Variants in ENPP6 observed in about 807,000 individuals in gnomAD.
ENPP6 encodes ectonucleotide pyrophosphatase/phosphodiesterase 6.
ENPP6 carries 32 observed loss-of-function variants against 42.0 expected under a neutral mutation model. The ratio of observed to expected loss-of-function variants is 0.76; its 90% CI spans 0.58 to 1.02. ENPP6 has a LOEUF of 1.02. Among genes scored for constraint, ENPP6 ranks in the 50% least tolerant of loss-of-function variants. The pLI is 0.00. For synonymous variants in ENPP6, 213 were observed against 216.0 expected, an observed-to-expected ratio of 0.99 and a Z score of 0.12; for missense variants, 552 against 566.8, an observed-to-expected ratio of 0.97 and a Z score of 0.27.
At chr4:184,102,193 AG>A (rs1423772196) in intron 6 of ENPP6, among the ~76,000 whole-genome samples, 1 of 152,216 alleles carries the variant, frequency 6.6e-6, no homozygotes, top group African/African-American at 2.4e-5. Context: ...GACACTTGCC[AG>A]GGCCCATCCG....
At chr4:184,193,153 G>A (rs1458624723) in intron 1 of ENPP6, among the ~76,000 whole-genome samples, 5 of 152,184 alleles carry the variant, frequency 3.3e-5, no homozygotes, top group Admixed American at 3.3e-4. Flanking sequence ...CAGGAGAAAT[G>A]ACAACATATA....
chr4:184,187,999 G>A (rs867962191), intron 1 of ENPP6, among the ~76,000 whole-genome samples: 18 of 152,308 alleles, frequency 1.2e-4, no homozygotes, highest in Middle Eastern at 3.4e-3. Flanking sequence ...CCTGCTCTTG[G>A]AGCATACATT....
At chr4:184,170,530 G>T (rs570832499) in intron 1 of ENPP6, among the ~76,000 whole-genome samples, 1 of 151,602 alleles carries the variant, frequency 6.6e-6, no homozygotes, top group Non-Finnish European at 1.5e-5. Context: ...ATAATGGTTC[G>T]CCTCCATTTT....
At chr4:184,208,971 A>G (rs571804655) in intron 1 of ENPP6, among the ~76,000 whole-genome samples, 13,484 of 130,220 alleles carry the variant, frequency 0.1, 756 homozygotes, top group African/African-American at 0.15. Context: ...CCCCAGCAGG[A>G]GCACACTGAC....
At chr4:184,138,876 C>T (rs771180732) in intron 2 of ENPP6, among the ~76,000 whole-genome samples, 1 of 152,204 alleles carries the variant, frequency 6.6e-6, no homozygotes, top group Non-Finnish European at 1.5e-5. Context: ...AACTAAAGCT[C>T]TATGTGCAGA....
At chr4:184,133,698 A>T (rs942980987) in intron 2 of ENPP6, among the ~76,000 whole-genome samples, 1 of 147,978 alleles carries the variant, frequency 6.8e-6, no homozygotes. Flanking sequence ...GTTTGCTGTC[A>T]TTTTTTTTTT....
At chr4:184,130,283 G>A (rs963827772) in intron 2 of ENPP6, among the ~76,000 whole-genome samples, 2 of 151,988 alleles carry the variant, frequency 1.3e-5, no homozygotes, top group Admixed American at 1.3e-4. Flanking sequence ...TTTTGGCCGG[G>A]CGCGGTGGCT....
intron 1 of ENPP6, among the ~76,000 whole-genome samples, chr4:184,188,465 C>G (rs1048702004): frequency 6.6e-6 from 1 of 152,166 alleles, no homozygotes; most frequent in Non-Finnish European, 1.5e-5. Flanking sequence ...GTCCCACGCT[C>G]TGCTTGAGTC....
chr4:184,202,527 G>A (rs1732920353), intron 1 of ENPP6, among the ~76,000 whole-genome samples: 1 of 152,172 alleles, frequency 6.6e-6, no homozygotes, highest in South Asian at 2.1e-4. Context: ...TGCAACCCCC[G>A]ACCCACACCC....
chr4:184,183,267 C>G (rs753027772), intron 1 of ENPP6, among the ~76,000 whole-genome samples: 1 of 152,202 alleles, frequency 6.6e-6, no homozygotes, highest in Non-Finnish European at 1.5e-5. Flanking sequence ...TTCTATTAGG[C>G]AGACACTGAG....
At position 184,091,307 on chromosome 4, in the gene ENPP6, A is replaced by G. The variant is rs768402058; in HGVS notation, c.1193T>C (p.Ile398Thr). ...VYNVMCNVVG[I>T]TPLPNNGSWS... ...GGATCCGTTGTTGGGCAGCGGGGTG[A>G]TGCCCACCACATTGCACATGACATT... Residue 398 changes from isoleucine (I) to threonine (T), a missense_variant, in exon 8 of 8, where the codon ATC becomes ACC. Physicochemically the swap from Ile to Thr is moderately conservative, Grantham distance 89. Coordinates refer to ENST00000296741, the MANE Select transcript of ENPP6 (RefSeq NM_153343.4). 1 of 1,614,144 alleles carries G rather than the reference A, an allele frequency of 6.2e-7. No homozygotes were observed. Among genetic ancestry groups the G allele is most frequent in the East Asian group, 2.2e-5 (1 of 44,884 alleles).
intron 2 of ENPP6, among the ~76,000 whole-genome samples, chr4:184,131,553 G>A (rs1284665810): frequency 6.8e-6 from 1 of 146,648 alleles, no homozygotes; most frequent in Non-Finnish European, 1.5e-5. Flanking sequence ...TAGTACAGAT[G>A]AGATTTCACC....
chr4:184,186,784 G>A (rs570206021), intron 1 of ENPP6, among the ~76,000 whole-genome samples: 1 of 152,312 alleles, frequency 6.6e-6, no homozygotes, highest in South Asian at 2.1e-4. Context: ...CTGGGCTGAA[G>A]TCTCCTACAG....
rs1732598658 is a variant in ENPP6 at position 184,184,341 on chromosome 4, A to G, written c.242-30608T>C. The stretch of plus-strand genomic sequence containing the variant: ...AAGGAACAAGAGACTTTAAGAAATA[A>G]CCATGTAGAATTAAGAATCAAATAG... On this transcript the variant is annotated intron_variant, in intron 1 of 7. Coordinates refer to ENST00000296741, the MANE Select transcript of ENPP6 (RefSeq NM_153343.4). The surrounding 1 kb of genome is among the most constrained non-coding windows in gnomAD (Gnocchi z 4.7). Among the ~76,000 whole-genome samples the G allele has an allele frequency of 6.6e-6, 1 of 152,234 alleles. No individual in the cohort carries two copies. Among genetic ancestry groups the G allele is most frequent in the East Asian group, 1.9e-4 (1 of 5,208 alleles).
intron 1 of ENPP6, among the ~76,000 whole-genome samples, chr4:184,161,811 C>T (rs1266333476): frequency 1.3e-5 from 2 of 150,838 alleles, no homozygotes; most frequent in Non-Finnish European, 2.9e-5. Context: ...TATTCTCACT[C>T]ATAAGAGGGA....
At chr4:184,195,733 C>T (rs1163397926) in intron 1 of ENPP6, among the ~76,000 whole-genome samples, 1 of 152,178 alleles carries the variant, frequency 6.6e-6, no homozygotes, top group Non-Finnish European at 1.5e-5. Context: ...TGAATGTGTT[C>T]AAGGATCATG....
rs1050755341 is a variant in ENPP6, at chr4:184,201,106, C to T, written c.241+16473G>A. On this transcript the variant is annotated intron_variant, in intron 1 of 7. Transcript: ENST00000296741. ...CAAAGTATCCAACAAGAGTCAAACA[C>T]AGCACGCGCGCCCCCAGGACCCCCA... Among the ~76,000 whole-genome samples the T allele has an allele frequency of 1.7e-4, 26 of 152,294 alleles. 1 individual carries two copies. Among genetic ancestry groups the T allele is most frequent in the African/African-American group, 6.3e-4 (26 of 41,560 alleles).
At chr4:184,161,897 G>T (rs1357486684) in intron 1 of ENPP6, among the ~76,000 whole-genome samples, 1 of 152,102 alleles carries the variant, frequency 6.6e-6, no homozygotes, top group Non-Finnish European at 1.5e-5. Flanking sequence ...GTGGGAGGGG[G>T]TGAGGGACAA....
At chr4:184,110,397 C>T (rs560887161) in intron 6 of ENPP6, among the ~76,000 whole-genome samples, 71 of 152,322 alleles carry the variant, frequency 4.7e-4, no homozygotes, top group Middle Eastern at 3.4e-3. Flanking sequence ...AGATTTACAG[C>T]TTATGCACCA....
Sources: gnomAD v4.1 joint callset for allele counts (sites outside exome capture counted in the v4.1 genomes callset) on GRCh38, gnomAD v4.1.1 for gene constraint, Gnocchi (gnomAD v3.1) non-coding constraint, MANE v1.5 for transcripts, NCBI Gene and HGNC (gene_info 2026-07-23, HGNC 2026-07-21) for gene names.